STXBP3: variants seen among roughly 807,000 people sequenced by gnomAD.
STXBP3 encodes syntaxin-binding protein 3.
Under a neutral mutation model 85.7 loss-of-function variants are expected in STXBP3, and 41 were observed. That is an observed-to-expected ratio of 0.48 (90% CI 0.37 to 0.62). The LOEUF is 0.62. Among genes scored for constraint, STXBP3 ranks in the 20% least tolerant of loss-of-function variants. STXBP3 has a pLI of 0.00. For synonymous variants in STXBP3, 229 were observed against 231.7 expected (o/e 0.99, Z 0.10); for missense variants, 563 against 703.1 (o/e 0.80, Z 2.25).
Position 108,772,802 on chromosome 1 carries a change from C to T in STXBP3, c.576C>T (p.Pro192=), listed in dbSNP as rs370136971. 2.5e-4 allele frequency: 393 copies of T among 1,595,694 alleles called. 1 individual carries two copies. The highest frequency in any genetic ancestry group is 8.5e-4 in the South Asian group (76 of 89,008). The change falls in exon 7 of 19, where the codon CCC becomes CCT. Residue 192 remains proline (P), a synonymous_variant. Transcript: ENST00000370008. ...TGTGTGCCACCTTGGATGAAAATCCCGGAGTAAGATATAAAAGGTAAGACA... is the reference window on the plus strand; with the variant it reads ...TGTGTGCCACCTTGGATGAAAATCCTGGAGTAAGATATAAAAGGTAAGACA... The part of the protein sequence containing the change: ...VTVCATLDEN[P]GVRYKSKPLD...
At chr1:108,788,513 A>T (rs1189691057) in intron 11 of STXBP3, among the ~76,000 whole-genome samples, 1 of 152,210 alleles carries the variant, frequency 6.6e-6, no homozygotes, top group African/African-American at 2.4e-5. Context: ...CCATTGAAGC[A>T]GTTCAGGCAT....
intron 8 of STXBP3, 120 bp from the exon 9 acceptor site, chr1:108,779,166 T>A: frequency 9.3e-7 from 1 of 1,069,934 alleles, no homozygotes. Context: ...CTGTTGTATG[T>A]TTTTGGTGGG....
chr1:108,807,862 C>T (rs1306760967), intron 18 of STXBP3, among the ~76,000 whole-genome samples: 1 of 152,100 alleles, frequency 6.6e-6, no homozygotes, highest in Non-Finnish European at 1.5e-5. Flanking sequence ...CAGACATGAG[C>T]CACCGCACCC....
chr1:108,780,374 A>T (rs1662689761), intron 9 of STXBP3: 1 of 152,030 alleles, frequency 6.6e-6, no homozygotes, highest in Non-Finnish European at 1.5e-5. Flanking sequence ...AGGGGATATT[A>T]TTTACCTCTG....
At chr1:108,749,783 A>G (rs1661864103) in intron 1 of STXBP3, among the ~76,000 whole-genome samples, 1 of 152,210 alleles carries the variant, frequency 6.6e-6, no homozygotes, top group Non-Finnish European at 1.5e-5. Flanking sequence ...TGGCAGACAC[A>G]GGTAGATCCA....
intron 7 of STXBP3, 139 bp downstream of exon 7, chr1:108,772,958 A>C: frequency 1.3e-6 from 1 of 795,630 alleles, no homozygotes; most frequent in African/African-American, 1.8e-5. Flanking sequence ...CATATAGGAG[A>C]TTTAAAGCTT....
At chr1:108,788,771 T>G (rs1044534543) in intron 11 of STXBP3, among the ~76,000 whole-genome samples, 5 of 151,952 alleles carry the variant, frequency 3.3e-5, no homozygotes, top group African/African-American at 7.2e-5. Context: ...ATTATTAATA[T>G]CCCCTGCAGT....
Position 108,779,355 on chromosome 1 carries a change from C to T in STXBP3, c.754C>T (p.Leu252=), listed in dbSNP as rs766296937. 2.5e-6 allele frequency: 4 copies of T among 1,613,012 alleles called. No homozygotes were observed. The highest frequency in any genetic ancestry group is 3.4e-6 in the Non-Finnish European group (4 of 1,179,394). Residue 252 remains leucine (L), a synonymous_variant, in exon 9 of 19, where the codon CTG becomes TTG. Coordinates refer to ENST00000370008, the MANE Select transcript of STXBP3 (RefSeq NM_007269.4). ...FDPVSTVLHE[L]TFQAMAYDLL... The stretch of plus-strand genomic sequence containing the variant: ...TCCTGTGTCCACTGTCCTGCATGAA[C>T]TGACCTTTCAGGCAATGGCATATGA...
intron 6 of STXBP3, among the ~76,000 whole-genome samples, chr1:108,769,945 C>T (rs1007466388): frequency 6.6e-6 from 1 of 152,126 alleles, no homozygotes; most frequent in African/African-American, 2.4e-5. Flanking sequence ...AATAGTGGAG[C>T]CACACAATAG....
intron 6 of STXBP3, among the ~76,000 whole-genome samples, chr1:108,760,456 ATAT>A (rs1381926589): frequency 3.9e-5 from 6 of 152,010 alleles, no homozygotes; most frequent in South Asian, 2.1e-4. Flanking sequence ...TTTTTATATA[ATAT>A]TATGTAAATT....
In STXBP3 at chr1:108,798,218, T is replaced by C. The variant is rs1197380795; in HGVS notation, c.1430T>C (p.Phe477Ser). Residue 477 changes from phenylalanine (F) to serine (S), a missense_variant, in exon 16 of 19, where the codon TTT becomes TCT. Physicochemically the swap from Phe to Ser is radical, Grantham distance 155. This residue lies in a region of STXBP3 where 494 missense variants were observed against 592.8 expected (regional missense o/e 0.83). Transcript: ENST00000370008. The stretch of plus-strand genomic sequence containing the variant: ...TTTCAGCTCTCTCGGTGGACACCTT[T>C]TATCAAAGATATTATGGAGGTAAAA... ...ETFQLSRWTPFIKDIMEDAID... is the reference protein window; with the variant it reads ...ETFQLSRWTPSIKDIMEDAID... The C allele has an allele frequency of 6.2e-7, 1 of 1,611,230 alleles. No homozygotes were observed. The highest frequency in any genetic ancestry group is 2.2e-5 in the East Asian group (1 of 44,776).
intron 11 of STXBP3, among the ~76,000 whole-genome samples, chr1:108,793,308 G>A (rs954622122): frequency 6.6e-6 from 1 of 151,762 alleles, no homozygotes; most frequent in Non-Finnish European, 1.5e-5. Context: ...TCACTCAGCT[G>A]TCTCAGCTGT....
At chr1:108,768,759 A>T in intron 6 of STXBP3, among the ~76,000 whole-genome samples, 1 of 152,206 alleles carries the variant, frequency 6.6e-6, no homozygotes. Flanking sequence ...GTAAAGTCAG[A>T]TATGATAGTG....
intron 11 of STXBP3, among the ~76,000 whole-genome samples, chr1:108,791,326 G>T (rs1662969501): frequency 6.6e-6 from 1 of 152,064 alleles, no homozygotes; most frequent in South Asian, 2.1e-4. Context: ...CTGTAATGTG[G>T]TTTGCTTGCT....
rs116339912 is a variant in STXBP3, at chr1:108,759,858, A to G, written c.338-127A>G. Reference sequence around the variant, plus strand: ...AAGCAAATAACAATATTTATATATTATTTATGTCCTCATAATAACTGTGAA... The same window carrying G: ...AAGCAAATAACAATATTTATATATTGTTTATGTCCTCATAATAACTGTGAA... On this transcript the variant is annotated intron_variant, in intron 5 of 18. Transcript: ENST00000370008. 2.0e-3 allele frequency: 1,190 copies of G among 603,038 alleles called. 16 individuals are homozygous for G. In the African/African-American group the frequency reaches 0.02, roughly 10 times the overall value. 37.4% of individuals were successfully genotyped at this position (603,038 alleles called of 1,614,324 possible).
At chr1:108,772,598 A>G in intron 6 of STXBP3, 67 bp from the exon 7 acceptor site, 1 of 754,812 alleles carries the variant, frequency 1.3e-6, no homozygotes. Context: ...TATAACATAA[A>G]TATAAATATA....
At chr1:108,787,816 G>T (rs1826649) in intron 11 of STXBP3, among the ~76,000 whole-genome samples, 39,042 of 151,582 alleles carry the variant, frequency 0.26, 5,411 homozygotes, top group African/African-American at 0.33. Context: ...AAGAGACAGG[G>T]TCTTGTTCTG....
At chr1:108,768,223 A>G (rs1662310457) in intron 6 of STXBP3, among the ~76,000 whole-genome samples, 1 of 152,208 alleles carries the variant, frequency 6.6e-6, no homozygotes, top group South Asian at 2.1e-4. Context: ...GTATAATGAT[A>G]CAAGGAATGT....
chr1:108,799,372 CA>C (rs1186713335), intron 16 of STXBP3, among the ~76,000 whole-genome samples: 5 of 152,042 alleles, frequency 3.3e-5, no homozygotes, highest in African/African-American at 1.2e-4. Flanking sequence ...TATTCCTAAT[CA>C]GTTTACCATG....
Sources: gnomAD v4.1 joint callset for allele counts (sites outside exome capture counted in the v4.1 genomes callset) on GRCh38, gnomAD v4.1.1 for gene constraint, gnomAD v4.1.1 regional missense constraint, MANE v1.5 for transcripts, NCBI Gene and HGNC (gene_info 2026-07-23, HGNC 2026-07-21) for gene names.